KIF26A: variants seen among roughly 807,000 people sequenced by gnomAD.
KIF26A encodes the protein kinesin family member 26A, also known as kinesin-like protein KIF26A.
A neutral mutation model predicts 126.0 loss-of-function variants in KIF26A; 74 were observed. The ratio of observed to expected loss-of-function variants is 0.59; its 90% CI spans 0.49 to 0.71. The LOEUF (loss-of-function observed/expected upper bound fraction) is 0.71, where lower values mean the gene tolerates loss of function less well. Ranked by LOEUF, KIF26A falls within the 30% of genes least tolerant of loss-of-function variation. The pLI, the probability that KIF26A is intolerant of heterozygous loss-of-function variation, is 0.00. For synonymous variants in KIF26A, 1,445 were observed against 1,232.7 expected (o/e 1.17, Z -3.61); for missense variants, 2,984 against 2,763.3 (o/e 1.08, Z -1.79).
intron 12 of KIF26A, 150 bp downstream of exon 12, chr14:104,178,048 A>C: frequency 1.1e-6 from 1 of 934,148 alleles, no homozygotes. Flanking sequence ...GACGGTTTAC[A>C]GACTCGCCTG....
In KIF26A at chr14:104,176,511, C is replaced by G; in HGVS notation, c.3723C>G (p.Asp1241Glu). 6.2e-7 allele frequency: 1 copy of G among 1,605,260 alleles called. No individual in the cohort carries two copies. The highest frequency in any genetic ancestry group is 8.5e-7 in the Non-Finnish European group (1 of 1,179,668). The change falls in exon 12 of 15, where the codon GAC becomes GAG. Residue 1241 changes from aspartate to glutamate, a missense_variant. Physicochemically the swap from Asp to Glu is conservative, Grantham distance 45. Transcript: ENST00000423312. The stretch of plus-strand genomic sequence containing the variant: ...CTGGCCGTGGAGGCCTGTTTGAGGA[C>G]CCATGGCTGCTCCGGGTAGGGGAGT... Reference protein sequence around the residue: ...SPPGRGGLFEDPWLLRVGECD... With the variant: ...SPPGRGGLFEEPWLLRVGECD...
At chr14:104,154,651 G>A (rs1319453138) in intron 3 of KIF26A, among the ~76,000 whole-genome samples, 1 of 152,244 alleles carries the variant, frequency 6.6e-6, no homozygotes, top group African/African-American at 2.4e-5. Flanking sequence ...CCACCCCAGT[G>A]CCCTGCCTGC....
rs748280823 is a variant in KIF26A at position 104,175,311 on chromosome 14, C to T, written c.2523C>T (p.Phe841=). ...RDADHFRCST[F]AELQERLECM... is the part of the protein sequence containing the mutation. ...CAGACCACTTCCGCTGCAGCACCTT[C>T]GCGGAGCTGCAGGAGCGGCTGGAAT... is the stretch of plus-strand genomic sequence containing the variant. The change falls in exon 12 of 15, where the codon TTC becomes TTT. Residue 841 remains phenylalanine (F), a synonymous_variant. Coordinates refer to ENST00000423312, the MANE Select transcript of KIF26A (RefSeq NM_015656.2). 114 of 1,604,316 alleles carry T rather than the reference C, an allele frequency of 7.1e-5. No individual in the cohort carries two copies. The highest frequency in any genetic ancestry group is 1.8e-4 in the Admixed American group (11 of 59,948).
At chr14:104,163,244 C>T (rs2037849324) in intron 4 of KIF26A, among the ~76,000 whole-genome samples, 1 of 152,206 alleles carries the variant, frequency 6.6e-6, no homozygotes, top group South Asian at 2.1e-4. Flanking sequence ...CTGGCCTCGC[C>T]CAGGCCCCTG....
intron 2 of KIF26A, among the ~76,000 whole-genome samples, chr14:104,149,984 A>G (rs1443933758): frequency 1.3e-5 from 2 of 152,172 alleles, no homozygotes; most frequent in African/African-American, 4.8e-5. Flanking sequence ...GCCTGACTGG[A>G]AAACAGGCCC....
At position 104,180,380 on chromosome 14, in the gene KIF26A, C is replaced by T. The variant is rs947000; in HGVS notation, c.*590C>T. The T allele has an allele frequency of 0.71, 107,431 of 151,956 alleles. 38,251 individuals carry two copies. The highest frequency in any genetic ancestry group is 0.78 in the Admixed American group (11,985 of 15,284). The allele number at this position is 151,956 out of a possible 1,614,324, so 9.4% of individuals were successfully genotyped here. ...CGAGTCCCCTCCCTTCCCGAGAACC[C>T]GCTCTGTCCCGAGGGCAGCTAACAA... On this transcript the variant is annotated 3_prime_UTR_variant, in exon 15 of 15. Coordinates refer to ENST00000423312, the MANE Select transcript of KIF26A (RefSeq NM_015656.2).
In KIF26A at chr14:104,171,719, C is replaced by T. The variant is rs776403392; in HGVS notation, c.1114-4C>T. On this transcript the variant is annotated splice_polypyrimidine_tract_variant and splice_region_variant and intron_variant, in intron 5 of 14. Transcript: ENST00000423312. The stretch of plus-strand genomic sequence containing the variant: ...TTCTCAGGTGCCGCCCACCTCTGCC[C>T]CAGGTGAAGGTTATGCTGCGGATCT... 1.1e-5 allele frequency: 17 copies of T among 1,561,952 alleles called. No individual in the cohort carries two copies. In the Admixed American group the frequency reaches 2.2e-4, roughly 20 times the overall value.
In KIF26A at chr14:104,166,948, C is replaced by A; in HGVS notation, c.1013C>A (p.Thr338Asn). 1 of 1,592,060 alleles carries A rather than the reference C, an allele frequency of 6.3e-7. No homozygotes were observed. Among genetic ancestry groups the A allele is most frequent in the South Asian group, 1.1e-5 (1 of 87,584 alleles). ...PATRGTSTYP[T>N]DFSGVLQLWP... The stretch of plus-strand genomic sequence containing the variant: ...ACCCGCGGCACCTCCACCTACCCCA[C>A]CGACTTCAGCGGGGTCCTGCAGCTG... The change falls in exon 5 of 15, where the codon ACC (threonine) becomes AAC (asparagine). Residue 338 changes from threonine to asparagine, a missense_variant. Coordinates refer to ENST00000423312, the MANE Select transcript of KIF26A (RefSeq NM_015656.2).
intron 7 of KIF26A, 87 bp downstream of exon 7, chr14:104,172,755 GA>G: frequency 1.7e-6 from 2 of 1,182,232 alleles, no homozygotes; most frequent in Non-Finnish European, 1.2e-6. Flanking sequence ...CTTCTGATGG[GA>G]AAGGAGGCTG....
chr14:104,150,021 C>G (rs1209696683), intron 2 of KIF26A, among the ~76,000 whole-genome samples: 1 of 152,304 alleles, frequency 6.6e-6, no homozygotes, highest in South Asian at 2.1e-4. Flanking sequence ...GTGCAGGGGC[C>G]AGTTCTGGGT....
rs952852623 is a variant in KIF26A at position 104,139,294 on chromosome 14, T to G, written c.288+6T>G. ...GGCCCGGGACCACCCTCCGGGTAAG[T>G]GACACTTCCTTAGGCCGACCCCTCC... On this transcript the variant is annotated splice_donor_region_variant and intron_variant, in intron 2 of 14. Coordinates refer to ENST00000423312, the MANE Select transcript of KIF26A (RefSeq NM_015656.2). 4 of 1,495,040 alleles carry G rather than the reference T, an allele frequency of 2.7e-6. No homozygotes were observed. The highest frequency in any genetic ancestry group is 3.6e-6 in the Non-Finnish European group (4 of 1,120,852). 92.6% of individuals were successfully genotyped at this position (1,495,040 alleles called of 1,614,324 possible). A position where few individuals can be genotyped will look rare whatever the true frequency, so the allele number is the denominator to read the frequency against.
chr14:104,145,849 C>G (rs545450208), intron 2 of KIF26A, among the ~76,000 whole-genome samples: 1 of 152,124 alleles, frequency 6.6e-6, no homozygotes, highest in Non-Finnish European at 1.5e-5. Flanking sequence ...CTCCTGCTCT[C>G]GTCCCTAGGG....
At chr14:104,163,491 A>G (rs1388369694) in intron 4 of KIF26A, among the ~76,000 whole-genome samples, 2 of 152,054 alleles carry the variant, frequency 1.3e-5, no homozygotes, top group Non-Finnish European at 2.9e-5. Flanking sequence ...TGTGAGGTTT[A>G]CAGAGACGAG....
At position 104,177,623 on chromosome 14, in the gene KIF26A, C is replaced by T. The variant is rs1410175130; in HGVS notation, c.4835C>T (p.Pro1612Leu). ...CCCACGGGCCCGGCCCTGCCCTCCCCCTACAGCAAGGTGACCGCCCCACGG... is the reference window on the plus strand; with the variant it reads ...CCCACGGGCCCGGCCCTGCCCTCCCTCTACAGCAAGGTGACCGCCCCACGG... ...RPPTGPALPS[P>L]YSKVTAPRRP... The change falls in exon 12 of 15, where the codon CCC (proline) becomes CTC (leucine). Residue 1612 changes from proline to leucine, a missense_variant. Transcript: ENST00000423312. 1.3e-6 allele frequency: 2 copies of T among 1,527,284 alleles called. No individual in the cohort carries two copies. The highest frequency in any genetic ancestry group is 8.8e-7 in the Non-Finnish European group (1 of 1,141,736). The allele number at this position is 1,527,284 out of a possible 1,614,324, so 94.6% of individuals were successfully genotyped here. A position where few individuals can be genotyped will look rare whatever the true frequency, so the allele number is the denominator to read the frequency against.
In KIF26A at chr14:104,151,161, C is replaced by T. The variant is rs2037725769; in HGVS notation, c.289-854C>T. ...GCTTGTCTCCTTCTTGCTCCTCCTC[C>T]TCTTCCTGGAAGATGTCACTGCCTC... On this transcript the variant is annotated intron_variant, in intron 2 of 14. Transcript: ENST00000423312. This position sits in a 1 kb window ranked among gnomAD's most constrained non-coding sequence, Gnocchi z 4.9. Among the ~76,000 whole-genome samples the T allele has an allele frequency of 3.3e-5, 5 of 152,210 alleles. No homozygotes were observed. The South Asian group carries it at 1.0e-3, about 32-fold the overall frequency.
At position 104,148,387 on chromosome 14, in the gene KIF26A, G is replaced by T. The variant is rs531952226; in HGVS notation, c.289-3628G>T. On this transcript the variant is annotated intron_variant, in intron 2 of 14. Transcript: ENST00000423312. The surrounding 1 kb of genome is among the most constrained non-coding windows in gnomAD (Gnocchi z 4.3). ...AAGAGAAAATTAAAAGTCATATTTC[G>T]CAGTGGAGTAATTACTGTCTTCCTC... is the stretch of plus-strand genomic sequence containing the variant. Among the ~76,000 whole-genome samples the T allele has an allele frequency of 2.0e-5, 3 of 152,162 alleles. No homozygotes were observed. Among genetic ancestry groups the T allele is most frequent in the Non-Finnish European group, 4.4e-5 (3 of 68,036 alleles).
chr14:104,179,927 A>G lies in KIF26A; in HGVS notation c.*137A>G. 1 of 923,060 alleles carries G rather than the reference A, an allele frequency of 1.1e-6. No individual in the cohort carries two copies. Among genetic ancestry groups the G allele is most frequent in the Non-Finnish European group, 1.5e-6 (1 of 648,008 alleles). 57.2% of individuals were successfully genotyped at this position (923,060 alleles called of 1,614,324 possible). A position where few individuals can be genotyped will look rare whatever the true frequency, so the allele number is the denominator to read the frequency against. The stretch of plus-strand genomic sequence containing the variant: ...GCAGGACGGGAGTCTCAGAGAGGAG[A>G]CGGAGTGTGGGGGAGGGAGGGCCGG... On this transcript the variant is annotated 3_prime_UTR_variant, in exon 15 of 15. Transcript: ENST00000423312.
chr14:104,176,492 G>A lies in KIF26A; in HGVS notation c.3704G>A (p.Arg1235His), dbSNP rs747804299. 33 of 1,605,742 alleles carry A rather than the reference G, an allele frequency of 2.1e-5. No homozygotes were observed. The highest frequency in any genetic ancestry group is 2.8e-5 in the Non-Finnish European group (33 of 1,179,632). Residue 1235 changes from arginine (R) to histidine (H), a missense_variant, in exon 12 of 15, where the codon CGT becomes CAT. Physicochemically the swap from Arg to His is conservative, Grantham distance 29 (BLOSUM62 0). Transcript: ENST00000423312. ...CGCCTGGGCCAGAGCCCACCTGGCC[G>A]TGGAGGCCTGTTTGAGGACCCATGG... Reference protein sequence around the residue: ...CARLGQSPPGRGGLFEDPWLL... With the variant: ...CARLGQSPPGHGGLFEDPWLL...
intron 2 of KIF26A, among the ~76,000 whole-genome samples, chr14:104,144,229 GGGAT>G (rs2037661764): frequency 6.6e-6 from 1 of 152,202 alleles, no homozygotes. Context: ...TTGAGCTTGA[GGGAT>G]GTGAACCATT....
Sources: gnomAD v4.1 joint callset for allele counts (sites outside exome capture counted in the v4.1 genomes callset) on GRCh38, gnomAD v4.1.1 for gene constraint, Gnocchi (gnomAD v3.1) non-coding constraint, MANE v1.5 for transcripts, NCBI Gene and HGNC (gene_info 2026-07-23, HGNC 2026-07-21) for gene names.